SHISA6: variants seen among roughly 807,000 people sequenced by gnomAD.
The protein encoded by SHISA6 is shisa family member 6.
In SHISA6, 22 loss-of-function variants were observed where a neutral mutation model predicts 47.9. The observed-to-expected ratio is 0.46, with a 90% CI of 0.33 to 0.66. The LOEUF is 0.66. SHISA6 is among the 30% of genes least tolerant of loss of function. SHISA6 has a pLI of 0.02. For missense variants in SHISA6, 680 were observed against 764.6 expected (o/e 0.89, Z 1.30); for synonymous variants, 388 against 337.8 (o/e 1.15, Z -1.63).
Position 11,541,195 on chromosome 17 carries a change from G to T in SHISA6, c.896-10701G>T, listed in dbSNP as rs899642193. On this transcript the variant is annotated intron_variant, in intron 3 of 5. Transcript: ENST00000441885. Reference sequence around the variant, plus strand: ...ACAGAAGACAGATGGAAACCCAGCTGCTCTGGGTGAGGCGGAGGTCAGGTG... The same window carrying T: ...ACAGAAGACAGATGGAAACCCAGCTTCTCTGGGTGAGGCGGAGGTCAGGTG... 2.0e-5 allele frequency among the ~76,000 whole-genome samples: 3 copies of T among 152,234 alleles called. No individual in the cohort carries two copies. The East Asian group carries it at 5.8e-4, about 29-fold the overall frequency.
chr17:11,388,648 G>A (rs75632656), intron 3 of SHISA6, among the ~76,000 whole-genome samples: 7 of 151,242 alleles, frequency 4.6e-5, no homozygotes, highest in East Asian at 2.0e-4. Flanking sequence ...CTGCGGCATC[G>A]GTGTGATTCC....
chr17:11,400,413 C>G (rs73282893), intron 3 of SHISA6, among the ~76,000 whole-genome samples: 7,068 of 152,268 alleles, frequency 0.046, 501 homozygotes, highest in African/African-American at 0.15. Context: ...ACTTCTGCTT[C>G]ATTCTTTTGA....
At chr17:11,516,781 T>C (rs1424003231) in intron 3 of SHISA6, among the ~76,000 whole-genome samples, 1 of 152,214 alleles carries the variant, frequency 6.6e-6, no homozygotes, top group Non-Finnish European at 1.5e-5. Context: ...ACTAGGACTG[T>C]TCCTGGCCAT....
intron 3 of SHISA6, among the ~76,000 whole-genome samples, chr17:11,403,805 C>A (rs536947456): frequency 1.3e-5 from 2 of 152,234 alleles, no homozygotes; most frequent in Admixed American, 6.5e-5. Context: ...TGTTCTCAAT[C>A]GCCTCCCTCC....
In SHISA6 at chr17:11,294,701, A is replaced by G. The variant is rs138100669; in HGVS notation, c.799+31175A>G. Among the ~76,000 whole-genome samples the G allele has an allele frequency of 2.6e-3, 392 of 152,292 alleles. 1 individual carries two copies. Among genetic ancestry groups the G allele is most frequent in the African/African-American group, 9.0e-3 (375 of 41,556 alleles). ...TACGTTCCAAGACCCCCAAGACTGA[A>G]TGCCTGAAACCAAGGATGGTACCAA... On this transcript the variant is annotated intron_variant, in intron 2 of 5. Coordinates refer to ENST00000441885, the MANE Select transcript of SHISA6 (RefSeq NM_207386.4).
At chr17:11,457,837 A>G (rs1255081691) in intron 3 of SHISA6, among the ~76,000 whole-genome samples, 3 of 151,138 alleles carry the variant, frequency 2.0e-5, no homozygotes, top group African/African-American at 7.3e-5. Context: ...TGTAATCCCA[A>G]CACTTTGGGA....
intron 5 of SHISA6, 134 bp from the exon 6 acceptor site, chr17:11,557,620 C>T (rs2071993895): frequency 1.2e-6 from 1 of 857,162 alleles, no homozygotes; most frequent in Non-Finnish European, 1.8e-6. Context: ...TAATCCATAA[C>T]TAAAGGAGTT....
intron 3 of SHISA6, among the ~76,000 whole-genome samples, chr17:11,404,151 G>A (rs1001621321): frequency 1.3e-5 from 2 of 152,228 alleles, no homozygotes; most frequent in African/African-American, 4.8e-5. Context: ...AGCTCGTGAT[G>A]CAGGCAATTC....
chr17:11,473,718 C>T (rs1038364587), intron 3 of SHISA6, among the ~76,000 whole-genome samples: 2 of 152,066 alleles, frequency 1.3e-5, no homozygotes, highest in Non-Finnish European at 2.9e-5. Context: ...TCTCTCTCTC[C>T]TCTGTTTTTC....
chr17:11,250,705 G>A (rs1907768388), intron 1 of SHISA6, among the ~76,000 whole-genome samples: 1 of 152,188 alleles, frequency 6.6e-6, no homozygotes, highest in Non-Finnish European at 1.5e-5. Flanking sequence ...CCATTGTTGG[G>A]CATTCTGGAG....
At chr17:11,338,381 GA>G (rs1911396459) in intron 2 of SHISA6, among the ~76,000 whole-genome samples, 1 of 151,964 alleles carries the variant, frequency 6.6e-6, no homozygotes, top group African/African-American at 2.4e-5. Context: ...CTTCATACCA[GA>G]AGCCTTTTTT....
chr17:11,364,433 T>C (rs937305662), intron 2 of SHISA6, among the ~76,000 whole-genome samples: 1 of 152,268 alleles, frequency 6.6e-6, no homozygotes, highest in African/African-American at 2.4e-5. Flanking sequence ...TTTTTTTGTG[T>C]GTTTGGCTTT....
intron 3 of SHISA6, among the ~76,000 whole-genome samples, chr17:11,476,899 T>C (rs992038092): frequency 6.6e-6 from 1 of 152,206 alleles, no homozygotes; most frequent in Non-Finnish European, 1.5e-5. Flanking sequence ...CTATTTCTTC[T>C]TGTAGTTCTG....
chr17:11,263,608 G>A (rs1908322498), intron 2 of SHISA6, 82 bp downstream of exon 2: 9 of 1,500,568 alleles, frequency 6.0e-6, no homozygotes, highest in Non-Finnish European at 7.2e-6. Context: ...GGGGCAGGTT[G>A]TGGACCATGA....
chr17:11,501,082 T>C, intron 3 of SHISA6, among the ~76,000 whole-genome samples: 1 of 151,866 alleles, frequency 6.6e-6, no homozygotes, highest in East Asian at 1.9e-4. Context: ...AGAGGCCAGG[T>C]GCTTAATTAT....
At chr17:11,326,673 T>C (rs1910908412) in intron 2 of SHISA6, among the ~76,000 whole-genome samples, 1 of 152,234 alleles carries the variant, frequency 6.6e-6, no homozygotes, top group Non-Finnish European at 1.5e-5. Context: ...TTTCAGCACA[T>C]GCACATTGAG....
intron 1 of SHISA6, among the ~76,000 whole-genome samples, chr17:11,254,682 A>G (rs1907944536): frequency 6.6e-6 from 1 of 152,154 alleles, no homozygotes; most frequent in Admixed American, 6.5e-5. Flanking sequence ...TCTCATGGGG[A>G]GCCAAAATTA....
At chr17:11,375,767 G>C (rs1027382079) in intron 2 of SHISA6, among the ~76,000 whole-genome samples, 1 of 152,162 alleles carries the variant, frequency 6.6e-6, no homozygotes, top group Middle Eastern at 3.2e-3. Context: ...GAGTTCTGAC[G>C]GGAGGTCGAG....
At chr17:11,285,068 G>C (rs1190207563) in intron 2 of SHISA6, among the ~76,000 whole-genome samples, 1 of 152,148 alleles carries the variant, frequency 6.6e-6, no homozygotes, top group African/African-American at 2.4e-5. Flanking sequence ...AATCATCAAA[G>C]GCAAAACCCT....
Sources: allele counts gnomAD v4.1 joint callset (sites outside exome capture counted in the v4.1 genomes callset), GRCh38; gene constraint gnomAD v4.1.1; transcripts MANE v1.5; gene names NCBI Gene and HGNC (gene_info 2026-07-23, HGNC 2026-07-21).